Variants in ANKRD6 observed in about 807,000 individuals in gnomAD.
ANKRD6 encodes the protein ankyrin repeat domain-containing protein 6.
ANKRD6 carries 56 observed loss-of-function variants against 82.3 expected under a neutral mutation model. The ratio of observed to expected loss-of-function variants is 0.68; its 90% CI spans 0.55 to 0.85. ANKRD6 has a LOEUF of 0.85. Among genes scored for constraint, ANKRD6 ranks in the 40% least tolerant of loss-of-function variants. The pLI is 0.00. For missense variants in ANKRD6, 852 were observed against 907.6 expected (o/e 0.94, Z 0.79); for synonymous variants, 347 against 352.1 (o/e 0.99, Z 0.16).
chr6:89,533,902 G>A lies in ANKRD6; in HGVS notation c.-143-32932G>A, dbSNP rs80018461. Among the ~76,000 whole-genome samples the A allele has an allele frequency of 2.3e-3, 351 of 152,150 alleles. 1 individual carries two copies. Among genetic ancestry groups the A allele is most frequent in the African/African-American group, 8.2e-3 (340 of 41,498 alleles). On this transcript the variant is annotated intron_variant, in intron 1 of 15. Transcript: ENST00000339746. The stretch of plus-strand genomic sequence containing the variant: ...AGTTGGCATCTTTCAGTGACCTGGC[G>A]GTACCTGGTCCAATAAAAAGATGTG...
chr6:89,574,845 G>T (rs375127451), intron 2 of ANKRD6, among the ~76,000 whole-genome samples: 7 of 152,118 alleles, frequency 4.6e-5, no homozygotes, highest in Non-Finnish European at 7.4e-5. Context: ...GCCCTTGAAG[G>T]CTCACTGAAA....
At chr6:89,496,535 T>A (rs1778645986) in intron 1 of ANKRD6, among the ~76,000 whole-genome samples, 1 of 152,166 alleles carries the variant, frequency 6.6e-6, no homozygotes, top group South Asian at 2.1e-4. Context: ...TTTATTTATT[T>A]ATTTTGAGAT....
chr6:89,627,388 T>C (rs962854147), intron 13 of ANKRD6, among the ~76,000 whole-genome samples, 195 bp from the exon 14 acceptor site: 3 of 152,226 alleles, frequency 2.0e-5, no homozygotes, highest in Admixed American at 6.5e-5. Flanking sequence ...AAACGAAACG[T>C]TGGCCTCATA....
chr6:89,464,164 CTTGTT>C (rs1325340947), intron 1 of ANKRD6, among the ~76,000 whole-genome samples: 1 of 151,948 alleles, frequency 6.6e-6, no homozygotes, highest in African/African-American at 2.4e-5. Flanking sequence ...AAAAACTGTC[CTTGTT>C]TTGTAATAAG....
intron 9 of ANKRD6, chr6:89,620,176 C>G (rs9294441): frequency 0.67 from 101,729 of 152,184 alleles, 34,425 homozygotes; most frequent in East Asian, 0.91. Flanking sequence ...TTGGAGGCCT[C>G]AAGGTCAATA....
intron 1 of ANKRD6, among the ~76,000 whole-genome samples, chr6:89,524,045 C>CAGGAGT (rs1371572091): frequency 6.6e-6 from 1 of 152,140 alleles, no homozygotes; most frequent in African/African-American, 2.4e-5. Context: ...GCCAGACTAG[C>CAGGAGT]AGGAGTAGGA....
intron 1 of ANKRD6, among the ~76,000 whole-genome samples, chr6:89,504,702 G>A (rs1220343083): frequency 2.0e-5 from 3 of 152,210 alleles, no homozygotes; most frequent in Non-Finnish European, 4.4e-5. Flanking sequence ...ACTCTGCCTG[G>A]CTGAAGGACG....
chr6:89,451,245 G>C (rs1772778088), intron 1 of ANKRD6, among the ~76,000 whole-genome samples: 1 of 152,156 alleles, frequency 6.6e-6, no homozygotes, highest in Non-Finnish European at 1.5e-5. Context: ...GGAGGTGGAG[G>C]TTGCAGTGAG....
chr6:89,580,352 C>T (rs771293326), intron 2 of ANKRD6, among the ~76,000 whole-genome samples: 1 of 152,050 alleles, frequency 6.6e-6, no homozygotes, highest in Non-Finnish European at 1.5e-5. Context: ...CTGGTAACTA[C>T]TGTACTCCAA....
intron 1 of ANKRD6, among the ~76,000 whole-genome samples, chr6:89,448,436 G>GA (rs71024376): frequency 0.93 from 134,327 of 144,502 alleles, 62,357 homozygotes; most frequent in East Asian, 0.99. Context: ...TGTCAAAAAA[G>GA]AAAAAAAAAA....
At chr6:89,507,045 C>A (rs1779961263) in intron 1 of ANKRD6, among the ~76,000 whole-genome samples, 1 of 152,214 alleles carries the variant, frequency 6.6e-6, no homozygotes, top group African/African-American at 2.4e-5. Flanking sequence ...AAGCTTATCT[C>A]TAGTACAATA....
chr6:89,512,590 C>A (rs960744354), intron 1 of ANKRD6, among the ~76,000 whole-genome samples: 6 of 152,174 alleles, frequency 3.9e-5, no homozygotes, highest in African/African-American at 1.4e-4. Flanking sequence ...CAAGGAGCAG[C>A]ATCTGTGTTT....
chr6:89,438,706 G>A (rs1770959880), intron 1 of ANKRD6, among the ~76,000 whole-genome samples: 3 of 151,834 alleles, frequency 2.0e-5, no homozygotes, highest in Non-Finnish European at 4.4e-5. Flanking sequence ...GCAATGGTGC[G>A]ATCTTGGCTC....
intron 1 of ANKRD6, among the ~76,000 whole-genome samples, chr6:89,512,048 G>A (rs1421648934): frequency 6.6e-6 from 1 of 152,048 alleles, no homozygotes; most frequent in Non-Finnish European, 1.5e-5. Context: ...CAAAGTGCTG[G>A]GATTACAGGC....
chr6:89,480,989 T>C (rs1776742123), intron 1 of ANKRD6, among the ~76,000 whole-genome samples: 1 of 150,952 alleles, frequency 6.6e-6, no homozygotes, highest in African/African-American at 2.4e-5. Context: ...TTATATGTAT[T>C]TTAAATATTA....
intron 1 of ANKRD6, among the ~76,000 whole-genome samples, chr6:89,565,952 G>A (rs147176068): frequency 2.8e-3 from 424 of 152,300 alleles, no homozygotes; most frequent in African/African-American, 9.6e-3. Context: ...CTTTGGTTGG[G>A]TCTAATGGCA....
chr6:89,533,477 C>T (rs1266245754), intron 1 of ANKRD6, among the ~76,000 whole-genome samples: 2 of 152,136 alleles, frequency 1.3e-5, no homozygotes, highest in Non-Finnish European at 1.5e-5. Context: ...CCATAGGAGC[C>T]ATTTCCATCT....
chr6:89,618,433 A>G lies in ANKRD6; in HGVS notation c.792+402A>G. On this transcript the variant is annotated intron_variant, in intron 9 of 15. Transcript: ENST00000339746. The stretch of plus-strand genomic sequence containing the variant: ...AAGAGAAGTGGCATTCCCCAGAGAA[A>G]GGCAGGAGGGAGGGGACGATTCTGG... The G allele has an allele frequency of 7.5e-6, 4 of 536,862 alleles. No individual in the cohort carries two copies. The South Asian group carries it at 8.5e-5, about 11-fold the overall frequency. 33.3% of individuals were successfully genotyped at this position (536,862 alleles called of 1,614,324 possible).
intron 1 of ANKRD6, among the ~76,000 whole-genome samples, chr6:89,557,539 T>C (rs1786775432): frequency 6.6e-6 from 1 of 152,140 alleles, no homozygotes; most frequent in African/African-American, 2.4e-5. Flanking sequence ...AGTCAAAAAG[T>C]TACTATTGCA....
Sources: allele counts gnomAD v4.1 joint callset (sites outside exome capture counted in the v4.1 genomes callset), GRCh38; gene constraint gnomAD v4.1.1; transcripts MANE v1.5; gene names NCBI Gene and HGNC (gene_info 2026-07-23, HGNC 2026-07-21).